Variants in PHACTR2 observed in about 807,000 individuals in gnomAD.
The protein encoded by PHACTR2 is chromosome 6 open reading frame 56.
In PHACTR2, 30 loss-of-function variants were observed where a neutral mutation model predicts 76.0. That is an observed-to-expected ratio of 0.39 (90% CI 0.30 to 0.54). The LOEUF (loss-of-function observed/expected upper bound fraction) is 0.54, where lower values mean the gene tolerates loss of function less well. Ranked by LOEUF, PHACTR2 falls within the 20% of genes least tolerant of loss-of-function variation. PHACTR2 has a pLI of 0.61. For synonymous variants in PHACTR2, 292 were observed against 292.5 expected (o/e 1.00, Z 0.02); for missense variants, 696 against 781.1 (o/e 0.89, Z 1.30).
In PHACTR2 at chr6:143,761,103, C is replaced by T. The variant is rs1779431497; in HGVS notation, c.694+463C>T. On this transcript the variant is annotated intron_variant, in intron 5 of 12. Transcript: ENST00000440869. The surrounding 1 kb of genome is among the most constrained non-coding windows in gnomAD (Gnocchi z 5.2). Reference sequence around the variant, plus strand: ...ACTGGATGTTAATGTGTTAAATCCTCAGCATCCATAGTCATCTCCCTTCTG... The same window carrying T: ...ACTGGATGTTAATGTGTTAAATCCTTAGCATCCATAGTCATCTCCCTTCTG... Among the ~76,000 whole-genome samples, 2 of 152,330 alleles carry T rather than the reference C, an allele frequency of 1.3e-5. No homozygotes were observed. The highest frequency in any genetic ancestry group is 4.1e-4 in the South Asian group (2 of 4,826).
intron 11 of PHACTR2, among the ~76,000 whole-genome samples, chr6:143,804,568 C>G (rs1005273194): frequency 2.6e-5 from 4 of 152,182 alleles, no homozygotes; most frequent in Non-Finnish European, 5.9e-5. Flanking sequence ...TAAACTGTCT[C>G]TCTTATGCAT....
At chr6:143,606,704 G>T (rs1365765331), upstream of PHACTR2, among the ~76,000 whole-genome samples, 1 of 152,032 alleles carries the variant, frequency 6.6e-6, no homozygotes, top group Admixed American at 6.5e-5. Flanking sequence ...ACTCTGGATA[G>T]TTGGCAGGTC....
In PHACTR2 at chr6:143,538,273, C is replaced by T. The variant is rs1781138141; in HGVS notation, c.217+1066C>T. On this transcript the variant is annotated intron_variant, in intron 1 of 11. Coordinates refer to the PHACTR2 transcript ENST00000367584. ...GTGTGACGTTGGGCAAATCACTTAA[C>T]CTTGTCTCTCCTATCTCAGTATTCA... is the stretch of plus-strand genomic sequence containing the variant. Among the ~76,000 whole-genome samples, 3 of 152,230 alleles carry T rather than the reference C, an allele frequency of 2.0e-5. No homozygotes were observed. The South Asian group carries it at 6.2e-4, about 32-fold the overall frequency.
intron 2 of PHACTR2, among the ~76,000 whole-genome samples, chr6:143,719,825 T>TTTC (rs1778398989): frequency 7.4e-6 from 1 of 134,880 alleles, no homozygotes; most frequent in Non-Finnish European, 1.6e-5. Context: ...TTTTTTTTTT[T>TTTC]TTTTTTTGAG....
At chr6:143,577,924 T>A (rs1412421751) in intron 1 of PHACTR2, among the ~76,000 whole-genome samples, 1 of 152,150 alleles carries the variant, frequency 6.6e-6, no homozygotes, top group African/African-American at 2.4e-5. Flanking sequence ...AATATGACTA[T>A]CAATATAATG....
intron 1 of PHACTR2, among the ~76,000 whole-genome samples, chr6:143,614,086 C>T (rs935692725): frequency 2.0e-5 from 3 of 152,110 alleles, no homozygotes; most frequent in Admixed American, 2.0e-4. Context: ...GCCAGGTGTG[C>T]TGGCACATAC....
chr6:143,547,808 A>G lies in PHACTR2; in HGVS notation c.217+10601A>G, dbSNP rs1775030981. On this transcript the variant is annotated intron_variant, in intron 1 of 11. Coordinates refer to the PHACTR2 transcript ENST00000367584. This position sits in a 1 kb window ranked among gnomAD's most constrained non-coding sequence, Gnocchi z 4.2. ...ATTGATACATTGGTTGTGATCAAGG[A>G]GGGCACTCTCTTTTTGTTTCCAGGG... 1.3e-5 allele frequency among the ~76,000 whole-genome samples: 2 copies of G among 152,198 alleles called. No homozygotes were observed. Among genetic ancestry groups the G allele is most frequent in the Admixed American group, 6.5e-5 (1 of 15,284 alleles).
chr6:143,594,080 A>G (rs951199644), intron 1 of PHACTR2, among the ~76,000 whole-genome samples: 24 of 152,246 alleles, frequency 1.6e-4, no homozygotes, highest in African/African-American at 5.8e-4. Context: ...GAGAACCAAT[A>G]TGAAATAGTG....
chr6:143,564,821 C>T (rs183142558), intron 1 of PHACTR2, among the ~76,000 whole-genome samples: 10 of 152,288 alleles, frequency 6.6e-5, no homozygotes. Flanking sequence ...ACTGCAACCT[C>T]AGCAAAATGA....
chr6:143,563,240 C>T (rs1265598112), intron 1 of PHACTR2, among the ~76,000 whole-genome samples: 7 of 152,136 alleles, frequency 4.6e-5, no homozygotes, highest in African/African-American at 7.2e-5. Flanking sequence ...AGTATGTAAA[C>T]CAGTTACGTG....
chr6:143,574,070 T>C (rs1302163977), intron 1 of PHACTR2, among the ~76,000 whole-genome samples: 2 of 152,214 alleles, frequency 1.3e-5, no homozygotes, highest in African/African-American at 4.8e-5. Flanking sequence ...TGTTCTCATC[T>C]GGAGCCTGAC....
rs980580659 is a variant in PHACTR2 at position 143,617,292 on chromosome 6, C to T, written c.13+8970C>T. On this transcript the variant is annotated intron_variant, in intron 1 of 11. Coordinates refer to the PHACTR2 transcript ENST00000305766. This position sits in a 1 kb window ranked among gnomAD's most constrained non-coding sequence, Gnocchi z 4.8. ...AATTCAACACCCAGTTTTGTACTTA[C>T]TGGAAGTTCATCTGAGATTACTCTC... Among the ~76,000 whole-genome samples, 1 of 152,208 alleles carries T rather than the reference C, an allele frequency of 6.6e-6. No homozygotes were observed. The highest frequency in any genetic ancestry group is 1.5e-5 in the Non-Finnish European group (1 of 68,034).
At position 143,730,782 on chromosome 6, in the gene PHACTR2, C is replaced by G. The variant is rs772282851; in HGVS notation, c.215-18203C>G. 6.6e-6 allele frequency among the ~76,000 whole-genome samples: 1 copy of G among 152,174 alleles called. No individual in the cohort carries two copies. Among genetic ancestry groups the G allele is most frequent in the African/African-American group, 2.4e-5 (1 of 41,432 alleles). ...TGTTTGTTTGAGACGGAGTCTTGCT[C>G]TGTGGCCCAGGCTGGAGTGCAGTGG... On this transcript the variant is annotated intron_variant, in intron 2 of 12. Coordinates refer to ENST00000440869, the MANE Select transcript of PHACTR2 (RefSeq NM_001100164.2). The surrounding 1 kb of genome is among the most constrained non-coding windows in gnomAD (Gnocchi z 4.8).
At chr6:143,729,504 A>AT (rs1412162446) in intron 2 of PHACTR2, among the ~76,000 whole-genome samples, 1 of 152,142 alleles carries the variant, frequency 6.6e-6, no homozygotes, top group African/African-American at 2.4e-5. Flanking sequence ...TTTTAGGATC[A>AT]TTTTTATGCA....
chr6:143,571,275 CCTT>C lies in PHACTR2; in HGVS notation c.217+34071_217+34073del, dbSNP rs1355305749. Among the ~76,000 whole-genome samples the C allele has an allele frequency of 6.6e-6, 1 of 152,216 alleles. No homozygotes were observed. Among genetic ancestry groups the C allele is most frequent in the African/African-American group, 2.4e-5 (1 of 41,458 alleles). On this transcript the variant is annotated intron_variant, in intron 1 of 11. Coordinates refer to the PHACTR2 transcript ENST00000367584. The surrounding 1 kb of genome is among the most constrained non-coding windows in gnomAD (Gnocchi z 4.6). Reference sequence around the variant, plus strand: ...CAGATGGTGACTTTCTAGTTATCATCCTTCTGCATTTATCAATTGGAATTCTAC... The same window carrying C: ...CAGATGGTGACTTTCTAGTTATCATCCTGCATTTATCAATTGGAATTCTAC...
chr6:143,678,638 T>C lies in PHACTR2; in HGVS notation c.46+429T>C, dbSNP rs1330803897. On this transcript the variant is annotated intron_variant, in intron 1 of 12. Coordinates refer to ENST00000440869, the MANE Select transcript of PHACTR2 (RefSeq NM_001100164.2). This position sits in a 1 kb window ranked among gnomAD's most constrained non-coding sequence, Gnocchi z 6.2. ...TCAAGCTTGTCAACTGATTTATGGTTTGTTATTCGGAGTAGAAGCGCTGAT... is the reference window on the plus strand; with the variant it reads ...TCAAGCTTGTCAACTGATTTATGGTCTGTTATTCGGAGTAGAAGCGCTGAT... Among the ~76,000 whole-genome samples, 2 of 152,204 alleles carry C rather than the reference T, an allele frequency of 1.3e-5. No homozygotes were observed. Among genetic ancestry groups the C allele is most frequent in the Non-Finnish European group, 2.9e-5 (2 of 68,044 alleles).
chr6:143,571,002 T>C lies in PHACTR2; in HGVS notation c.217+33795T>C, dbSNP rs1199436280. Among the ~76,000 whole-genome samples the C allele has an allele frequency of 2.0e-5, 3 of 152,188 alleles. No individual in the cohort carries two copies. Among genetic ancestry groups the C allele is most frequent in the Non-Finnish European group, 4.4e-5 (3 of 68,030 alleles). On this transcript the variant is annotated intron_variant, in intron 1 of 11. Transcript: ENST00000367584. The surrounding 1 kb of genome is among the most constrained non-coding windows in gnomAD (Gnocchi z 4.6). ...TCATGAAATTTAAAAAACTTTCTAATTTAAGATCATTTAACTTTTAGCTGC... is the reference window on the plus strand; with the variant it reads ...TCATGAAATTTAAAAAACTTTCTAACTTAAGATCATTTAACTTTTAGCTGC...
At position 143,695,551 on chromosome 6, in the gene PHACTR2, C is replaced by T. The variant is rs562702209; in HGVS notation, c.47-16465C>T. ...TGCAGTGCCAGTCCAGGTTTATTTT[C>T]ATTGCTGGGCACTGCAGTCCTAGAG... On this transcript the variant is annotated intron_variant, in intron 1 of 12. Transcript: ENST00000440869. This position sits in a 1 kb window ranked among gnomAD's most constrained non-coding sequence, Gnocchi z 4.4. Among the ~76,000 whole-genome samples the T allele has an allele frequency of 3.3e-4, 51 of 152,326 alleles. 1 individual carries two copies. The highest frequency in any genetic ancestry group is 1.4e-3 in the South Asian group (7 of 4,830).
At position 143,562,201 on chromosome 6, in the gene PHACTR2, A is replaced by G. The variant is rs995979021; in HGVS notation, c.217+24994A>G. Among the ~76,000 whole-genome samples the G allele has an allele frequency of 1.3e-5, 2 of 152,198 alleles. No individual in the cohort carries two copies. The highest frequency in any genetic ancestry group is 2.9e-5 in the Non-Finnish European group (2 of 68,034). On this transcript the variant is annotated intron_variant, in intron 1 of 11. Coordinates refer to the PHACTR2 transcript ENST00000367584. This position sits in a 1 kb window ranked among gnomAD's most constrained non-coding sequence, Gnocchi z 5.1. ...TGTATTAGGCCATTCTTGCACTGCT[A>G]TGAATAAATACCTGAGACTGGGTAA... is the stretch of plus-strand genomic sequence containing the variant.
Sources: gnomAD v4.1 joint callset for allele counts (sites outside exome capture counted in the v4.1 genomes callset) on GRCh38, gnomAD v4.1.1 for gene constraint, Gnocchi (gnomAD v3.1) non-coding constraint, MANE v1.5 for transcripts, NCBI Gene and HGNC (gene_info 2026-07-23, HGNC 2026-07-21) for gene names.